Variants in GSN observed in about 807,000 individuals in gnomAD.
The protein encoded by GSN is actin-depolymerizing factor.
Under a neutral mutation model 85.7 loss-of-function variants are expected in GSN, and 56 were observed. The observed-to-expected ratio is 0.65, with a 90% CI of 0.53 to 0.82. The LOEUF is 0.82. GSN is among the 40% of genes least tolerant of loss of function. The probability of loss-of-function intolerance (pLI) is 0.00; values close to 1 mark genes in which losing one functional copy is unlikely to be tolerated. For missense variants in GSN, 857 were observed against 979.8 expected (o/e 0.87, Z 1.67); for synonymous variants, 373 against 399.1 (o/e 0.93, Z 0.78).
At chr9:121,266,567 A>G (rs2055215993), upstream of GSN, among the ~76,000 whole-genome samples, 2 of 152,204 alleles carry the variant, frequency 1.3e-5, no homozygotes, top group East Asian at 3.8e-4. Context: ...TTCCCAAGCC[A>G]GGAAAGGTGG....
chr9:121,222,496 T>A (rs1211115050), intron 4 of GSN, among the ~76,000 whole-genome samples: 1 of 152,130 alleles, frequency 6.6e-6, no homozygotes, highest in Non-Finnish European at 1.5e-5. Context: ...AGATGAAAAA[T>A]TGGTTATTAT....
At position 121,319,519 on chromosome 9, in the gene GSN, C is replaced by T. The variant is rs1240109743; in HGVS notation, c.1191+639C>T. Among the ~76,000 whole-genome samples, 20 of 149,406 alleles carry T rather than the reference C, an allele frequency of 1.3e-4. 1 individual carries two copies. Among genetic ancestry groups the T allele is most frequent in the Middle Eastern group, 3.2e-3 (1 of 316 alleles). ...TTTTTTTTTAATAGAGACAGGGTCT[C>T]GCTATGTTGCCCGGGCTAATTTCAA... On this transcript the variant is annotated intron_variant, in intron 10 of 17. Coordinates refer to ENST00000432226, the MANE Select transcript of GSN (RefSeq NM_198252.3).
chr9:121,255,187 A>G (rs1588494127), intron 6 of GSN, among the ~76,000 whole-genome samples: 2 of 152,264 alleles, frequency 1.3e-5, no homozygotes, highest in South Asian at 4.1e-4. Context: ...TCACCTTGTG[A>G]TCTGCCCACC....
intron 6 of GSN, among the ~76,000 whole-genome samples, chr9:121,251,817 C>T (rs571967191): frequency 3.2e-4 from 49 of 151,952 alleles, no homozygotes; most frequent in Non-Finnish European, 5.4e-4. Context: ...AAAAATTAGC[C>T]GGGTGTGGTG....
At chr9:121,319,030 T>C in intron 10 of GSN, 150 bp downstream of exon 10, 1 of 711,820 alleles carries the variant, frequency 1.4e-6, no homozygotes, top group Admixed American at 2.2e-5. Flanking sequence ...TTACAGCCAA[T>C]GCACCCTGTG....
At position 121,332,674 on chromosome 9, in the gene GSN, G is replaced by A; in HGVS notation, c.*71G>A. 8.5e-7 allele frequency: 1 copy of A among 1,174,742 alleles called. No homozygotes were observed. The highest frequency in any genetic ancestry group is 1.3e-5 in the South Asian group (1 of 78,502). The allele number at this position is 1,174,742 out of a possible 1,614,324, so 72.8% of individuals were successfully genotyped here. On this transcript the variant is annotated 3_prime_UTR_variant, in exon 18 of 18. Transcript: ENST00000432226. The surrounding 1 kb of genome is among the most constrained non-coding windows in gnomAD (Gnocchi z 4.8). Reference sequence around the variant, plus strand: ...CTGTCCTTCCCTCAAAGAGGCCTTAGAGCGAGCAGAGCAGCTCTGCTATGA... The same window carrying A: ...CTGTCCTTCCCTCAAAGAGGCCTTAAAGCGAGCAGAGCAGCTCTGCTATGA...
intron 6 of GSN, among the ~76,000 whole-genome samples, chr9:121,254,592 C>G (rs2054910809): frequency 6.6e-6 from 1 of 152,160 alleles, no homozygotes; most frequent in Non-Finnish European, 1.5e-5. Flanking sequence ...TTTGGCTTTG[C>G]ACAACCAAAA....
At chr9:121,304,475 G>A (rs900060259) in intron 4 of GSN, among the ~76,000 whole-genome samples, 5 of 152,248 alleles carry the variant, frequency 3.3e-5, no homozygotes, top group Admixed American at 2.0e-4. Flanking sequence ...GAAATGGAAC[G>A]AACACTTGCC....
At chr9:121,239,547 C>A in intron 5 of GSN, 1 of 284,766 alleles carries the variant, frequency 3.5e-6, no homozygotes, top group Non-Finnish European at 7.0e-6. Flanking sequence ...AGTAACCCAG[C>A]AGCAGAGAAG....
chr9:121,204,411 A>G (rs2053850816), upstream of GSN, among the ~76,000 whole-genome samples: 1 of 152,232 alleles, frequency 6.6e-6, no homozygotes, highest in Admixed American at 6.5e-5. Flanking sequence ...CCTATGTGAA[A>G]GACATTACAC....
chr9:121,267,778 C>A (rs1343719831), upstream of GSN, among the ~76,000 whole-genome samples: 1 of 152,122 alleles, frequency 6.6e-6, no homozygotes, highest in Non-Finnish European at 1.5e-5. Context: ...TCCGTTCTCT[C>A]CAGGGCTGAA....
chr9:121,281,756 G>A (rs767415799), intron 2 of GSN, 194 bp downstream of exon 2: 27 of 471,056 alleles, frequency 5.7e-5, no homozygotes, highest in South Asian at 1.5e-4. Flanking sequence ...GAGGTCAGGC[G>A]AGAGTGATCT....
intron 5 of GSN, among the ~76,000 whole-genome samples, chr9:121,243,410 CAT>C (rs1194052007): frequency 1.3e-5 from 2 of 152,170 alleles, no homozygotes; most frequent in Non-Finnish European, 1.5e-5. Context: ...TCCCTTTTGC[CAT>C]ATAAGCTAAC....
intron 2 of GSN, among the ~76,000 whole-genome samples, chr9:121,295,618 C>T (rs1235781290): frequency 6.6e-6 from 1 of 152,174 alleles, no homozygotes; most frequent in East Asian, 1.9e-4. Flanking sequence ...GTCCCGCAGA[C>T]ATACAGAGAC....
chr9:121,312,288 CG>C (rs1377639010), intron 5 of GSN, 50 bp from the exon 6 acceptor site: 1 of 1,603,582 alleles, frequency 6.2e-7, no homozygotes. Context: ...TGTCGCTGGG[CG>C]GGGCTTATAG....
upstream of GSN, among the ~76,000 whole-genome samples, chr9:121,266,602 C>T (rs1263183975): frequency 6.6e-6 from 1 of 152,140 alleles, no homozygotes; most frequent in East Asian, 1.9e-4. Context: ...AGACATTGAG[C>T]AAAGAAGCGA....
At chr9:121,319,945 T>G (rs1300964529) in intron 10 of GSN, among the ~76,000 whole-genome samples, 1 of 152,142 alleles carries the variant, frequency 6.6e-6, no homozygotes, top group Non-Finnish European at 1.5e-5. Context: ...GTGTTCATTT[T>G]TATATATTAT....
chr9:121,286,167 G>C (rs1215246706), intron 2 of GSN: 1 of 1,534,912 alleles, frequency 6.5e-7, no homozygotes, highest in Non-Finnish European at 8.7e-7. Flanking sequence ...AAGCCCTCAG[G>C]GGCAATTCTG....
intron 4 of GSN, among the ~76,000 whole-genome samples, chr9:121,223,566 C>T (rs2054212797): frequency 1.3e-5 from 2 of 152,034 alleles, no homozygotes; most frequent in African/African-American, 4.8e-5. Context: ...ATGCTTACTC[C>T]GGGAGTGTCA....
Sources: allele counts gnomAD v4.1 joint callset (sites outside exome capture counted in the v4.1 genomes callset), GRCh38; gene constraint gnomAD v4.1.1; non-coding constraint Gnocchi (gnomAD v3.1); transcripts MANE v1.5; gene names NCBI Gene and HGNC (gene_info 2026-07-23, HGNC 2026-07-21).